Variants in PDHX observed in about 807,000 individuals in gnomAD.
PDHX encodes pyruvate dehydrogenase protein X component, mitochondrial.
Under a neutral mutation model 55.3 loss-of-function variants are expected in PDHX, and 33 were observed. The ratio of observed to expected loss-of-function variants is 0.60; its 90% CI spans 0.45 to 0.80. The LOEUF (loss-of-function observed/expected upper bound fraction) is 0.80, where lower values mean the gene tolerates loss of function less well. Ranked by LOEUF, PDHX falls within the 30% of genes least tolerant of loss-of-function variation. The probability of loss-of-function intolerance (pLI) is 0.00; values close to 1 mark genes in which losing one functional copy is unlikely to be tolerated. For synonymous variants in PDHX, 226 were observed against 219.4 expected (o/e 1.03, Z -0.27); for missense variants, 622 against 619.9 (o/e 1.00, Z -0.04).
chr11:34,965,908 T>G (rs944013072), intron 5 of PDHX, among the ~76,000 whole-genome samples: 7 of 152,186 alleles, frequency 4.6e-5, no homozygotes, highest in Non-Finnish European at 7.4e-5. Flanking sequence ...GTTCCAAAAA[T>G]TATTTTAAGA....
intron 6 of PDHX, among the ~76,000 whole-genome samples, chr11:34,969,351 T>C (rs1037893608): frequency 7.2e-5 from 11 of 151,832 alleles, no homozygotes; most frequent in Non-Finnish European, 1.6e-4. Context: ...TTTTTCTTTT[T>C]TTTTTTTTTC....
Position 34,960,475 on chromosome 11 carries a change from A to G in PDHX, c.598A>G (p.Ser200Gly). Residue 200 changes from serine (S) to glycine (G), a missense_variant, in exon 5 of 11, where the codon AGC becomes GGC. Transcript: ENST00000227868. ...NILEKHSLDA[S>G]QGTATGPRGI... ...TCTGGAAAAACACTCACTGGATGCT[A>G]GCCAGGGCACAGCCACTGGCCCTCG... 3 of 1,613,458 alleles carry G rather than the reference A, an allele frequency of 1.9e-6. No homozygotes were observed. The highest frequency in any genetic ancestry group is 1.1e-5 in the South Asian group (1 of 91,060).
chr11:34,978,314 G>A lies in PDHX; in HGVS notation c.1023+132G>A, dbSNP rs11032963. ...ATTGTCTTGCTAAAAATATCCTATC[G>A]TTTGATCTCCCTCATTTTACAAATG... On this transcript the variant is annotated intron_variant, in intron 8 of 10. Transcript: ENST00000227868. 28,209 of 650,142 alleles carry A rather than the reference G, an allele frequency of 0.043. 955 individuals are homozygous for A. The highest frequency in any genetic ancestry group is 0.11 in the African/African-American group (5,852 of 54,966). The allele number at this position is 650,142 out of a possible 1,614,324, so 40.3% of individuals were successfully genotyped here.
intron 7 of PDHX, among the ~76,000 whole-genome samples, chr11:34,970,555 C>T (rs1345418964): frequency 1.3e-5 from 2 of 152,104 alleles, no homozygotes; most frequent in Non-Finnish European, 2.9e-5. Context: ...GCTTTTATTT[C>T]CTCTTTGTCA....
intron 1 of PDHX, among the ~76,000 whole-genome samples, chr11:34,928,929 G>T (rs772746516): frequency 2.0e-5 from 3 of 152,066 alleles, no homozygotes; most frequent in Non-Finnish European, 4.4e-5. Context: ...TAATCACAAG[G>T]ACTTATTTTA....
intron 9 of PDHX, among the ~76,000 whole-genome samples, chr11:34,989,752 C>A (rs894009219): frequency 2.0e-5 from 3 of 152,052 alleles, no homozygotes; most frequent in African/African-American, 4.8e-5. Context: ...TATCTCATTA[C>A]CCTGTTTTAT....
At position 34,978,209 on chromosome 11, in the gene PDHX, GTCT is replaced by G. The variant is rs773696403; in HGVS notation, c.1023+32_1023+34del. ...TAAGTAGCAGACTTCAAATGATTTT[GTCT>G]TCTTAAGTAGTTTCATGTCGTGGAA... On this transcript the variant is annotated intron_variant, in intron 8 of 10. Coordinates refer to ENST00000227868, the MANE Select transcript of PDHX (RefSeq NM_003477.3). 7 of 1,304,052 alleles carry G rather than the reference GTCT, an allele frequency of 5.4e-6. No homozygotes were observed. The African/African-American group carries it at 7.0e-5, about 13-fold the overall frequency. The allele number at this position is 1,304,052 out of a possible 1,614,324, so 80.8% of individuals were successfully genotyped here.
At position 34,977,672 on chromosome 11, in the gene PDHX, T is replaced by C. The variant is rs1305520976; in HGVS notation, c.965-452T>C. ...TATAAAGTACCTACATGTATCACTG[T>C]TCTAGTATAATCAGTATGTTATAAA... On this transcript the variant is annotated intron_variant, in intron 7 of 10. Transcript: ENST00000227868. 6 of 427,684 alleles carry C rather than the reference T, an allele frequency of 1.4e-5. No individual in the cohort carries two copies. The Admixed American group carries it at 1.6e-4, about 11-fold the overall frequency. The allele number at this position is 427,684 out of a possible 1,614,324, so 26.5% of individuals were successfully genotyped here. A position where few individuals can be genotyped will look rare whatever the true frequency, so the allele number is the denominator to read the frequency against.
intron 7 of PDHX, among the ~76,000 whole-genome samples, chr11:34,973,231 A>T (rs992467001): frequency 3.3e-5 from 5 of 152,134 alleles, no homozygotes; most frequent in Non-Finnish European, 7.4e-5. Flanking sequence ...TCTTTATCAC[A>T]TCTGTAGCCA....
chr11:34,985,956 C>G (rs914761593), intron 9 of PDHX, among the ~76,000 whole-genome samples: 4 of 152,200 alleles, frequency 2.6e-5, no homozygotes, highest in Admixed American at 1.3e-4. Flanking sequence ...TCTTTCTTCC[C>G]TCCTCTTTGA....
chr11:34,947,573 T>C lies in PDHX; in HGVS notation c.309T>C (p.Asp103=), dbSNP rs1380263554. ...IETDKAVVTL[D]ASDDGILAKI... ...CTGACAAAGCTGTGGTTACCTTAGA[T>C]GCAAGTGATGATGGAATCTTGGCCA... Residue 103 remains aspartate, a synonymous_variant, in exon 3 of 11, where the codon GAT becomes GAC. Coordinates refer to ENST00000227868, the MANE Select transcript of PDHX (RefSeq NM_003477.3). The C allele has an allele frequency of 5.6e-6, 9 of 1,612,760 alleles. No individual in the cohort carries two copies. Among genetic ancestry groups the C allele is most frequent in the Non-Finnish European group, 7.6e-6 (9 of 1,178,904 alleles).
chr11:34,922,609 A>G (rs1307673854), intron 1 of PDHX, among the ~76,000 whole-genome samples: 1 of 152,190 alleles, frequency 6.6e-6, no homozygotes, highest in Non-Finnish European at 1.5e-5. Context: ...TTTTTAAAAA[A>G]ATGAAATCAG....
intron 3 of PDHX, among the ~76,000 whole-genome samples, chr11:34,954,301 G>C (rs1003561079): frequency 6.6e-6 from 1 of 152,152 alleles, no homozygotes; most frequent in African/African-American, 2.4e-5. Flanking sequence ...GCCTTTAATG[G>C]AATGAGCCCT....
At chr11:34,920,498 A>G (rs1853848630) in intron 1 of PDHX, among the ~76,000 whole-genome samples, 1 of 152,224 alleles carries the variant, frequency 6.6e-6, no homozygotes, top group South Asian at 2.1e-4. Context: ...ACTGACCCAC[A>G]TTGTTTTAGC....
At chr11:34,980,352 C>CTT (rs57927359) in intron 8 of PDHX, among the ~76,000 whole-genome samples, 3 of 74,822 alleles carry the variant, frequency 4.0e-5, no homozygotes, top group Admixed American at 1.6e-4. Context: ...AAGATAGTTT[C>CTT]TTTTTTTTTT....
intron 1 of PDHX, among the ~76,000 whole-genome samples, chr11:34,922,204 G>A (rs911549044): frequency 6.6e-6 from 1 of 152,124 alleles, no homozygotes; most frequent in African/African-American, 2.4e-5. Context: ...AAAATGTATA[G>A]ACTTTGGCTA....
intron 1 of PDHX, among the ~76,000 whole-genome samples, chr11:34,927,283 T>C (rs1474173911): frequency 3.9e-5 from 6 of 152,100 alleles, no homozygotes; most frequent in Non-Finnish European, 8.8e-5. Flanking sequence ...AAAACTTGTG[T>C]AATGAGTGCA....
At chr11:34,945,111 A>G (rs1377475746) in intron 2 of PDHX, among the ~76,000 whole-genome samples, 1 of 152,144 alleles carries the variant, frequency 6.6e-6, no homozygotes, top group Non-Finnish European at 1.5e-5. Context: ...TTCTCCTATT[A>G]TAAGTTGATG....
In PDHX at chr11:34,916,748, G is replaced by A; in HGVS notation, c.93G>A (p.Gly31=). ...PGRRSVGLVK[G]ALGWSVSRGA... is the part of the protein sequence containing the mutation. ...GCCGAAGCGTAGGGCTGGTGAAGGG[G>A]GCTCTTGGGTGGTCTGTAAGCCGCG... Residue 31 remains glycine (G), a synonymous_variant, in exon 1 of 11, where the codon GGG becomes GGA. Coordinates refer to ENST00000227868, the MANE Select transcript of PDHX (RefSeq NM_003477.3). The A allele has an allele frequency of 6.2e-7, 1 of 1,612,946 alleles. No homozygotes were observed. The highest frequency in any genetic ancestry group is 8.5e-7 in the Non-Finnish European group (1 of 1,179,672).
Sources: gnomAD v4.1 joint callset for allele counts (sites outside exome capture counted in the v4.1 genomes callset) on GRCh38, gnomAD v4.1.1 for gene constraint, MANE v1.5 for transcripts, NCBI Gene and HGNC (gene_info 2026-07-23, HGNC 2026-07-21) for gene names.